The following SVIL variants were observed in gnomAD, a reference collection of about 807,000 sequenced individuals.
The protein encoded by SVIL is archvillin.
A neutral mutation model predicts 240.4 loss-of-function variants in SVIL; 101 were observed. The ratio of observed to expected loss-of-function variants is 0.42; its 90% CI spans 0.36 to 0.50. The LOEUF is 0.50. SVIL is among the 20% of genes least tolerant of loss of function. SVIL has a pLI of 0.01. For synonymous variants in SVIL, 999 were observed against 1,100.0 expected, an observed-to-expected ratio of 0.91 and a Z score of 1.82; for missense variants, 2,512 against 2,818.7, an observed-to-expected ratio of 0.89 and a Z score of 2.46.
At chr10:29,597,627 T>C (rs911635380) in intron 1 of SVIL, among the ~76,000 whole-genome samples, 4 of 152,046 alleles carry the variant, frequency 2.6e-5, no homozygotes, top group African/African-American at 4.8e-5. Flanking sequence ...CTCGAACTCC[T>C]GACCTCAAGT....
chr10:29,668,099 T>C (rs1385035807), intron 2 of SVIL, among the ~76,000 whole-genome samples: 1 of 152,170 alleles, frequency 6.6e-6, no homozygotes, highest in Non-Finnish European at 1.5e-5. Context: ...TAATAGCTTA[T>C]TTTTAGAGAA....
At chr10:29,462,925 A>G (rs898799557) in intron 35 of SVIL, among the ~76,000 whole-genome samples, 1 of 127,486 alleles carries the variant, frequency 7.8e-6, no homozygotes, top group Non-Finnish European at 1.7e-5. Context: ...AACCATAAAA[A>G]TTAAATAAGA....
At chr10:29,653,145 T>C (rs1314630510) in intron 3 of SVIL, among the ~76,000 whole-genome samples, 2 of 152,098 alleles carry the variant, frequency 1.3e-5, no homozygotes, top group Non-Finnish European at 2.9e-5. Flanking sequence ...TGGTTTGGAT[T>C]TGTGTTCTTG....
Position 29,609,767 on chromosome 10 carries a change from C to A in SVIL, c.-201+24653G>T, listed in dbSNP as rs958316341. Among the ~76,000 whole-genome samples the A allele has an allele frequency of 2.3e-4, 35 of 152,212 alleles. 1 individual carries two copies. Among genetic ancestry groups the A allele is most frequent in the Admixed American group, 2.3e-3 (35 of 15,286 alleles). The stretch of plus-strand genomic sequence containing the variant: ...CTTCCCACCCTGCCACAGCAGCCAG[C>A]GTGCCTGGCTGTGCAGTGGCCAGAC... On this transcript the variant is annotated intron_variant, in intron 1 of 37. Coordinates refer to ENST00000355867, the MANE Select transcript of SVIL (RefSeq NM_021738.3).
intron 1 of SVIL, among the ~76,000 whole-genome samples, chr10:29,724,969 C>T (rs1016459058): frequency 2.4e-5 from 3 of 124,900 alleles, no homozygotes; most frequent in Admixed American, 1.1e-4. Flanking sequence ...GCAGAGGTTG[C>T]GGTGAGCCAA....
chr10:29,488,775 G>T lies in SVIL; in HGVS notation c.4193-19C>A. ...GAAGACACTGGGCACGTTGAATAAG[G>T]AAACACAACGCAGGAGGTTCAGTTA... On this transcript the variant is annotated intron_variant, in intron 22 of 37. Transcript: ENST00000355867. The T allele has an allele frequency of 6.2e-7, 1 of 1,606,444 alleles. No individual in the cohort carries two copies. Among genetic ancestry groups the T allele is most frequent in the South Asian group, 1.1e-5 (1 of 89,298 alleles).
intron 2 of SVIL, among the ~76,000 whole-genome samples, chr10:29,673,665 G>A (rs1959978937): frequency 6.6e-6 from 1 of 151,990 alleles, no homozygotes; most frequent in African/African-American, 2.4e-5. Flanking sequence ...TCACTATCGC[G>A]AGAACTCACT....
chr10:29,488,638 G>C lies in SVIL; in HGVS notation c.4311C>G (p.Ala1437=). 1 of 1,611,294 alleles carries C rather than the reference G, an allele frequency of 6.2e-7. No individual in the cohort carries two copies. The highest frequency in any genetic ancestry group is 8.5e-7 in the Non-Finnish European group (1 of 1,179,120). The change falls in exon 23 of 38, where the codon GCC becomes GCG. Residue 1437 remains alanine (A), a synonymous_variant. Coordinates refer to ENST00000355867, the MANE Select transcript of SVIL (RefSeq NM_021738.3). ...ACAGCATCAGCCTCTTGTAGGGCAC[G>C]GCGCTGTTGTTAGAGTTCTGTTCCG... The part of the protein sequence containing the change: ...NLTEQNSNNS[A]VPYKRLMLLQ...
chr10:29,572,757 C>T (rs1224670039), intron 1 of SVIL, among the ~76,000 whole-genome samples: 1 of 94,410 alleles, frequency 1.1e-5, no homozygotes, highest in Admixed American at 1.3e-4. Context: ...GAGTGAGATC[C>T]TATCTCAAAA....
chr10:29,557,777 C>A (rs569974004), intron 3 of SVIL, among the ~76,000 whole-genome samples: 4 of 152,226 alleles, frequency 2.6e-5, no homozygotes, highest in African/African-American at 9.6e-5. Flanking sequence ...CCTCTGATAG[C>A]CATCCACTTC....
At chr10:29,727,520 T>C (rs1300185580) in intron 1 of SVIL, among the ~76,000 whole-genome samples, 2 of 152,080 alleles carry the variant, frequency 1.3e-5, no homozygotes, top group African/African-American at 4.8e-5. Context: ...TCTTTACAGA[T>C]TCCTCAGGCC....
chr10:29,590,812 C>A lies in SVIL; in HGVS notation c.-200-21500G>T, dbSNP rs191315749. On this transcript the variant is annotated intron_variant, in intron 1 of 37. Coordinates refer to ENST00000355867, the MANE Select transcript of SVIL (RefSeq NM_021738.3). The stretch of plus-strand genomic sequence containing the variant: ...AAGAGTATCAGTTGAAGTACTAACC[C>A]CTCTTTGAAAAAACTTAAAAACTTG... Among the ~76,000 whole-genome samples, 385 of 152,214 alleles carry A rather than the reference C, an allele frequency of 2.5e-3. 2 individuals carry two copies. The highest frequency in any genetic ancestry group is 2.0e-3 in the Non-Finnish European group (134 of 68,014).
At chr10:29,531,132 G>T (rs1951333408) in intron 10 of SVIL, 122 bp downstream of exon 10, 3 of 922,926 alleles carry the variant, frequency 3.3e-6, no homozygotes, top group East Asian at 5.3e-5. Flanking sequence ...ACGAAAACCT[G>T]CAGCAAAGGG....
chr10:29,581,071 T>G (rs1955925059), intron 1 of SVIL, among the ~76,000 whole-genome samples: 1 of 152,254 alleles, frequency 6.6e-6, no homozygotes. Context: ...GAAATGATTT[T>G]AATGAAATCT....
At chr10:29,561,674 T>C (rs963795494) in intron 3 of SVIL, among the ~76,000 whole-genome samples, 3 of 151,742 alleles carry the variant, frequency 2.0e-5, no homozygotes, top group African/African-American at 7.3e-5. Flanking sequence ...TCTGCACCCG[T>C]CCTAACTGGA....
rs114301922 is a variant in SVIL, at chr10:29,623,196, T to C, written c.-201+11224A>G. On this transcript the variant is annotated intron_variant, in intron 1 of 37. Coordinates refer to ENST00000355867, the MANE Select transcript of SVIL (RefSeq NM_021738.3). ...CATGGATAGGTCAATAGGCAATGCA[T>C]GGCAGTTTTTCAGTTCCTATCAGCA... is the stretch of plus-strand genomic sequence containing the variant. Among the ~76,000 whole-genome samples, 711 of 152,338 alleles carry C rather than the reference T, an allele frequency of 4.7e-3. 10 individuals carry two copies. The highest frequency in any genetic ancestry group is 0.016 in the African/African-American group (653 of 41,570).
At chr10:29,690,394 C>T in intron 1 of SVIL, among the ~76,000 whole-genome samples, 1 of 151,786 alleles carries the variant, frequency 6.6e-6, no homozygotes, top group East Asian at 1.9e-4. Flanking sequence ...CTTAAATGGC[C>T]TTTTTTCTGG....
intron 7 of SVIL, among the ~76,000 whole-genome samples, 194 bp downstream of exon 7, chr10:29,535,795 A>C (rs1021323412): frequency 6.6e-6 from 1 of 152,244 alleles, no homozygotes; most frequent in Non-Finnish European, 1.5e-5. Flanking sequence ...AAGAGGGGGA[A>C]GGAGAGATAC....
chr10:29,617,726 A>G (rs1957481194), intron 1 of SVIL, among the ~76,000 whole-genome samples: 1 of 152,186 alleles, frequency 6.6e-6, no homozygotes, highest in Non-Finnish European at 1.5e-5. Flanking sequence ...TTTGGTGGAC[A>G]CTCCAAAATA....
Sources: gnomAD v4.1 joint callset for allele counts (sites outside exome capture counted in the v4.1 genomes callset) on GRCh38, gnomAD v4.1.1 for gene constraint, MANE v1.5 for transcripts, NCBI Gene and HGNC (gene_info 2026-07-23, HGNC 2026-07-21) for gene names.